The following GALNT17 variants were observed in gnomAD, a reference collection of about 807,000 sequenced individuals.
GALNT17 encodes UDP-GalNAc:polypeptide N-acetylgalactosaminyltransferase-like 3.
A neutral mutation model predicts 63.7 loss-of-function variants in GALNT17; 29 were observed. The ratio of observed to expected loss-of-function variants is 0.46; its 90% CI spans 0.34 to 0.62. The LOEUF is 0.62. Among genes scored for constraint, GALNT17 ranks in the 20% least tolerant of loss-of-function variants. The pLI is 0.01. For synonymous variants in GALNT17, 305 were observed against 318.3 expected (o/e 0.96, Z 0.45); for missense variants, 603 against 799.6 (o/e 0.75, Z 2.97).
intron 1 of GALNT17, among the ~76,000 whole-genome samples, chr7:71,274,191 A>G (rs1790643887): frequency 6.6e-6 from 1 of 152,226 alleles, no homozygotes; most frequent in African/African-American, 2.4e-5. Context: ...GCTAGTTTGC[A>G]AAAGTCCTAA....
At chr7:71,321,793 A>G (rs930963249) in intron 1 of GALNT17, among the ~76,000 whole-genome samples, 2 of 149,804 alleles carry the variant, frequency 1.3e-5, no homozygotes, top group East Asian at 2.0e-4. Context: ...TGGCCCCCCA[A>G]AATGCTCAGA....
intron 1 of GALNT17, among the ~76,000 whole-genome samples, chr7:71,150,610 A>C (rs1328322504): frequency 6.7e-6 from 1 of 149,504 alleles, no homozygotes; most frequent in Non-Finnish European, 1.5e-5. Context: ...TCCCAGGTGC[A>C]TGCCATTCTC....
At chr7:71,690,316 G>A (rs550123328) in intron 9 of GALNT17, among the ~76,000 whole-genome samples, 6 of 151,300 alleles carry the variant, frequency 4.0e-5, no homozygotes, top group Admixed American at 6.6e-5. Context: ...GAGCCACAAC[G>A]CCTGGCCGGT....
chr7:71,356,468 AAGGCCTG>A (rs1792287695), intron 2 of GALNT17, among the ~76,000 whole-genome samples: 1 of 152,172 alleles, frequency 6.6e-6, no homozygotes, highest in African/African-American at 2.4e-5. Context: ...GGTTCTGTCA[AAGGCCTG>A]AGGCTGTGCC....
intron 9 of GALNT17, among the ~76,000 whole-genome samples, chr7:71,701,108 A>G (rs1791624775): frequency 6.6e-6 from 1 of 152,220 alleles, no homozygotes; most frequent in African/African-American, 2.4e-5. Context: ...AGGTGTTTGC[A>G]GAGAAGTAAA....
chr7:71,494,912 A>C (rs1270397170), intron 5 of GALNT17, among the ~76,000 whole-genome samples: 1 of 152,146 alleles, frequency 6.6e-6, no homozygotes, highest in African/African-American at 2.4e-5. Context: ...CTTACTCACT[A>C]CCACAAGAAC....
intron 1 of GALNT17, among the ~76,000 whole-genome samples, chr7:71,233,569 A>G (rs1381442119): frequency 6.6e-6 from 1 of 152,200 alleles, no homozygotes; most frequent in East Asian, 1.9e-4. Context: ...ATGGGAAGCC[A>G]GGATGATCAG....
At chr7:71,316,577 T>G (rs1791505431) in intron 1 of GALNT17, among the ~76,000 whole-genome samples, 1 of 152,164 alleles carries the variant, frequency 6.6e-6, no homozygotes, top group African/African-American at 2.4e-5. Flanking sequence ...CCAGGACTTC[T>G]AAATAAGCAC....
intron 5 of GALNT17, among the ~76,000 whole-genome samples, chr7:71,525,004 T>C (rs1481403090): frequency 1.3e-5 from 2 of 152,196 alleles, no homozygotes; most frequent in Non-Finnish European, 2.9e-5. Context: ...TTTTCTCCGA[T>C]ACTTCTTTTA....
chr7:71,143,519 T>A (rs1585834984), intron 1 of GALNT17, among the ~76,000 whole-genome samples: 2 of 145,828 alleles, frequency 1.4e-5, no homozygotes, highest in South Asian at 4.4e-4. Context: ...AGCAGAAGAG[T>A]GTGTGGGGAC....
chr7:71,228,322 C>G (rs1190561376), intron 1 of GALNT17, among the ~76,000 whole-genome samples: 1 of 152,158 alleles, frequency 6.6e-6, no homozygotes, highest in East Asian at 1.9e-4. Flanking sequence ...TGTGAGAAGT[C>G]ATGGAATCAA....
chr7:71,494,034 A>G (rs1477198150), intron 5 of GALNT17, among the ~76,000 whole-genome samples: 1 of 151,972 alleles, frequency 6.6e-6, no homozygotes, highest in African/African-American at 2.4e-5. Flanking sequence ...AATACCCGAG[A>G]CTGGGTAACT....
At chr7:71,622,726 G>A (rs1790315040) in intron 6 of GALNT17, among the ~76,000 whole-genome samples, 1 of 152,158 alleles carries the variant, frequency 6.6e-6, no homozygotes, top group Non-Finnish European at 1.5e-5. Context: ...GGAAGAGGTG[G>A]AAGGACTGGG....
At chr7:71,709,891 G>A (rs548641015) in intron 9 of GALNT17, among the ~76,000 whole-genome samples, 2 of 152,198 alleles carry the variant, frequency 1.3e-5, no homozygotes, top group South Asian at 2.1e-4. Context: ...GAGCCACTGA[G>A]CCTGGCCTAA....
intron 3 of GALNT17, among the ~76,000 whole-genome samples, chr7:71,403,757 A>C (rs867138885): frequency 6.6e-6 from 1 of 152,286 alleles, no homozygotes; most frequent in African/African-American, 2.4e-5. Flanking sequence ...AACGCGTTTA[A>C]AGAAAACTCG....
chr7:71,475,994 T>C (rs1373215305), intron 5 of GALNT17, among the ~76,000 whole-genome samples: 2 of 152,208 alleles, frequency 1.3e-5, no homozygotes, highest in Admixed American at 1.3e-4. Context: ...TCCTACTAAT[T>C]ATAATAATTA....
At chr7:71,625,045 A>G (rs549044183) in intron 6 of GALNT17, among the ~76,000 whole-genome samples, 10 of 152,320 alleles carry the variant, frequency 6.6e-5, no homozygotes, top group African/African-American at 2.2e-4. Context: ...AGAGCCCTGA[A>G]AAGCTCTCAG....
intron 1 of GALNT17, among the ~76,000 whole-genome samples, chr7:71,191,911 C>A (rs1021840035): frequency 6.6e-6 from 1 of 152,098 alleles, no homozygotes; most frequent in Non-Finnish European, 1.5e-5. Flanking sequence ...CTCACAGGAT[C>A]GCAAGGTGAA....
At chr7:71,365,383 C>G (rs560493770) in intron 2 of GALNT17, among the ~76,000 whole-genome samples, 1 of 152,206 alleles carries the variant, frequency 6.6e-6, no homozygotes, top group Non-Finnish European at 1.5e-5. Flanking sequence ...GTACTACAGG[C>G]GTGCGCCACC....
Sources: gnomAD v4.1 joint callset for allele counts (sites outside exome capture counted in the v4.1 genomes callset) on GRCh38, gnomAD v4.1.1 for gene constraint, MANE v1.5 for transcripts, NCBI Gene and HGNC (gene_info 2026-07-23, HGNC 2026-07-21) for gene names.